ST6GALNAC3: variants seen among roughly 807,000 people sequenced by gnomAD.
ST6GALNAC3 encodes the protein ST6 N-acetylgalactosaminide alpha-2,6-sialyltransferase 3.
In ST6GALNAC3, 25 loss-of-function variants were observed where a neutral mutation model predicts 32.7. That is an observed-to-expected ratio of 0.76 (90% CI 0.56 to 1.07). The LOEUF is 1.07. Among genes scored for constraint, ST6GALNAC3 ranks in the 50% least tolerant of loss-of-function variants. The pLI is 0.00. For missense variants in ST6GALNAC3, 355 were observed against 382.4 expected (o/e 0.93, Z 0.60); for synonymous variants, 129 against 133.1 (o/e 0.97, Z 0.21).
chr1:76,178,860 A>C lies in ST6GALNAC3; in HGVS notation c.18+103976A>C, dbSNP rs533796868. Among the ~76,000 whole-genome samples, 8 of 152,324 alleles carry C rather than the reference A, an allele frequency of 5.3e-5. No homozygotes were observed. The South Asian group carries it at 1.0e-3, about 20-fold the overall frequency. ...AGCCCATGCTGAATAATCCAGATTT[A>C]AGCCTTACCCATTGGCCTTGGATGC... On this transcript the variant is annotated intron_variant, in intron 1 of 4. Transcript: ENST00000328299.
At chr1:76,461,633 T>C (rs575943510) in intron 3 of ST6GALNAC3, among the ~76,000 whole-genome samples, 6 of 152,100 alleles carry the variant, frequency 3.9e-5, no homozygotes, top group Non-Finnish European at 5.9e-5. Context: ...TTCTATTAAC[T>C]TGGGATACCA....
intron 3 of ST6GALNAC3, among the ~76,000 whole-genome samples, chr1:76,595,955 A>C (rs1361913216): frequency 1.3e-5 from 2 of 150,340 alleles, no homozygotes; most frequent in Non-Finnish European, 3.0e-5. Flanking sequence ...ATTGCTTTTG[A>C]GTAGCAGTGA....
At chr1:76,393,027 A>G (rs1267358541) in intron 2 of ST6GALNAC3, among the ~76,000 whole-genome samples, 7 of 152,200 alleles carry the variant, frequency 4.6e-5, no homozygotes, top group Non-Finnish European at 1.0e-4. Context: ...CCATCTGGTT[A>G]TCCATAATAT....
At chr1:76,500,866 G>A (rs551453717) in intron 3 of ST6GALNAC3, among the ~76,000 whole-genome samples, 1 of 152,230 alleles carries the variant, frequency 6.6e-6, no homozygotes, top group African/African-American at 2.4e-5. Flanking sequence ...GATATATTCT[G>A]AAGTAAAAGG....
At chr1:76,337,825 A>G (rs765653602) in intron 2 of ST6GALNAC3, among the ~76,000 whole-genome samples, 15 of 152,110 alleles carry the variant, frequency 9.9e-5, no homozygotes, top group Non-Finnish European at 2.1e-4. Context: ...GTCCTGTGTG[A>G]TTGGGATCTA....
At chr1:76,228,506 C>T (rs182581360) in intron 1 of ST6GALNAC3, among the ~76,000 whole-genome samples, 6 of 152,272 alleles carry the variant, frequency 3.9e-5, no homozygotes, top group Admixed American at 3.3e-4. Context: ...TCATTTCTGC[C>T]CTACTTTCTG....
chr1:76,577,984 C>T (rs1393273786), intron 3 of ST6GALNAC3, among the ~76,000 whole-genome samples: 1 of 152,102 alleles, frequency 6.6e-6, no homozygotes, highest in East Asian at 1.9e-4. Flanking sequence ...CCTTAGGCAG[C>T]AGATGGGGAC....
At chr1:76,412,956 A>T (rs1340587311) in intron 3 of ST6GALNAC3, 2 of 347,288 alleles carry the variant, frequency 5.8e-6, no homozygotes, top group Admixed American at 3.5e-5. Flanking sequence ...TATTGAAATT[A>T]TACGTCCCTT....
intron 3 of ST6GALNAC3, among the ~76,000 whole-genome samples, chr1:76,451,732 G>A (rs1242704276): frequency 6.6e-6 from 1 of 152,198 alleles, no homozygotes; most frequent in Admixed American, 6.5e-5. Context: ...CACTGTTTGT[G>A]TATAGCAGAC....
chr1:76,618,481 T>G (rs1347732139), intron 3 of ST6GALNAC3, among the ~76,000 whole-genome samples: 1 of 152,208 alleles, frequency 6.6e-6, no homozygotes, highest in East Asian at 1.9e-4. Flanking sequence ...ATTAACACAA[T>G]GTCTAGTACA....
intron 1 of ST6GALNAC3, among the ~76,000 whole-genome samples, chr1:76,189,317 A>C (rs1653760837): frequency 6.6e-6 from 1 of 152,112 alleles, no homozygotes; most frequent in South Asian, 2.1e-4. Flanking sequence ...TACCACCACC[A>C]CCCCTGTGAT....
At chr1:76,218,342 A>G (rs1396823545) in intron 1 of ST6GALNAC3, among the ~76,000 whole-genome samples, 4 of 152,204 alleles carry the variant, frequency 2.6e-5, no homozygotes, top group Admixed American at 1.3e-4. Flanking sequence ...CCTCCTGCCC[A>G]TGTCAAAGAC....
At chr1:76,310,992 C>T (rs1370635193) in intron 1 of ST6GALNAC3, among the ~76,000 whole-genome samples, 1 of 152,164 alleles carries the variant, frequency 6.6e-6, no homozygotes. Flanking sequence ...ATTGCCGTCA[C>T]ATGGACCCCA....
chr1:76,167,538 C>T (rs1403799733), intron 1 of ST6GALNAC3, among the ~76,000 whole-genome samples: 1 of 152,132 alleles, frequency 6.6e-6, no homozygotes, highest in Non-Finnish European at 1.5e-5. Context: ...TCTACCTCAA[C>T]TTTTGGGAAT....
intron 2 of ST6GALNAC3, among the ~76,000 whole-genome samples, chr1:76,407,342 A>G (rs1485113469): frequency 6.6e-6 from 1 of 152,102 alleles, no homozygotes; most frequent in African/African-American, 2.4e-5. Context: ...AGATGTCACC[A>G]AATTCTTAAC....
intron 3 of ST6GALNAC3, among the ~76,000 whole-genome samples, chr1:76,601,838 C>G (rs911687415): frequency 6.6e-6 from 1 of 152,090 alleles, no homozygotes; most frequent in Non-Finnish European, 1.5e-5. Context: ...TGAACATGAC[C>G]AGTTGAGAGC....
chr1:76,559,834 A>T (rs6677337), intron 3 of ST6GALNAC3, among the ~76,000 whole-genome samples: 2,772 of 152,268 alleles, frequency 0.018, 35 homozygotes, highest in Non-Finnish European at 0.028. Context: ...AGCATGGTGG[A>T]GAATGCTACT....
intron 3 of ST6GALNAC3, among the ~76,000 whole-genome samples, chr1:76,483,748 G>T (rs756036326): frequency 5.9e-5 from 9 of 152,110 alleles, no homozygotes; most frequent in Non-Finnish European, 1.3e-4. Context: ...TGTCAGTTTT[G>T]GCTTTTGTTG....
At chr1:76,627,316 GTTTCTCAAC>G in intron 3 of ST6GALNAC3, 127 bp from the exon 4 acceptor site, 1 of 621,036 alleles carries the variant, frequency 1.6e-6, no homozygotes, top group Non-Finnish European at 2.9e-6. Flanking sequence ...ATATTGTCAA[GTTTCTCAAC>G]TCTTTTTCCT....
Sources: allele counts gnomAD v4.1 joint callset (sites outside exome capture counted in the v4.1 genomes callset), GRCh38; gene constraint gnomAD v4.1.1; transcripts MANE v1.5; gene names NCBI Gene and HGNC (gene_info 2026-07-23, HGNC 2026-07-21).